DGKH: variants seen among roughly 807,000 people sequenced by gnomAD.
The protein encoded by DGKH is diacylglycerol kinase eta.
Under a neutral mutation model 159.3 loss-of-function variants are expected in DGKH, and 90 were observed. The ratio of observed to expected loss-of-function variants is 0.57; its 90% CI spans 0.48 to 0.67. The LOEUF (loss-of-function observed/expected upper bound fraction) is 0.67, where lower values mean the gene tolerates loss of function less well. Ranked by LOEUF, DGKH falls within the 30% of genes least tolerant of loss-of-function variation. The pLI, the probability that DGKH is intolerant of heterozygous loss-of-function variation, is 0.00. For missense variants in DGKH, 1,181 were observed against 1,506.1 expected (o/e 0.78, Z 3.57); for synonymous variants, 536 against 553.8 (o/e 0.97, Z 0.45).
intron 1 of DGKH, among the ~76,000 whole-genome samples, chr13:42,113,814 T>C (rs1003224302): frequency 6.6e-6 from 1 of 152,088 alleles, no homozygotes; most frequent in Non-Finnish European, 1.5e-5. Context: ...TAAAAATATT[T>C]AGAAGGGCAA....
At chr13:42,190,368 C>T in intron 15 of DGKH, 35 bp from the exon 16 acceptor site, 1 of 1,588,798 alleles carries the variant, frequency 6.3e-7, no homozygotes, top group Non-Finnish European at 8.5e-7. Context: ...TTTATTTTCA[C>T]TTATCCAAAC....
chr13:42,053,713 G>T (rs776646336), intron 1 of DGKH, among the ~76,000 whole-genome samples: 20 of 151,554 alleles, frequency 1.3e-4, no homozygotes, highest in Non-Finnish European at 2.7e-4. Context: ...CCGCCTCCTG[G>T]GTTCAAGCAA....
chr13:42,256,086 A>C, intron 30 of DGKH: 2 of 1,239,772 alleles, frequency 1.6e-6, no homozygotes, highest in Non-Finnish European at 2.4e-6. Flanking sequence ...CCTGAAAATG[A>C]ACCAGGAAGT....
chr13:42,195,540 C>T (rs1342378339), intron 17 of DGKH, among the ~76,000 whole-genome samples: 1 of 152,094 alleles, frequency 6.6e-6, no homozygotes, highest in Non-Finnish European at 1.5e-5. Flanking sequence ...TGGGCCCTGC[C>T]CTGGGAAATT....
chr13:42,056,949 C>T (rs900496815), intron 1 of DGKH, among the ~76,000 whole-genome samples: 12 of 151,970 alleles, frequency 7.9e-5, no homozygotes, highest in East Asian at 3.8e-4. Context: ...TTCATCATGC[C>T]GTTTTGCATT....
At chr13:42,225,308 A>G (rs1197433649) in intron 29 of DGKH, 1 of 1,584,968 alleles carries the variant, frequency 6.3e-7, no homozygotes. Flanking sequence ...AGGAGAAAAA[A>G]GAGACACCAA....
chr13:42,060,855 A>C (rs1882102553), intron 1 of DGKH, among the ~76,000 whole-genome samples: 1 of 152,186 alleles, frequency 6.6e-6, no homozygotes, highest in African/African-American at 2.4e-5. Flanking sequence ...TAGATAAGTA[A>C]CATGCCCCAG....
At chr13:42,094,665 A>G (rs1954487051) in intron 1 of DGKH, among the ~76,000 whole-genome samples, 1 of 152,218 alleles carries the variant, frequency 6.6e-6, no homozygotes, top group African/African-American at 2.4e-5. Flanking sequence ...TACAAGTTTT[A>G]TTTCAAAAGG....
chr13:42,063,907 C>G (rs1882366440), intron 1 of DGKH, among the ~76,000 whole-genome samples: 1 of 149,422 alleles, frequency 6.7e-6, no homozygotes, highest in South Asian at 2.1e-4. Flanking sequence ...CCATTGCACT[C>G]CAGCCTGGGC....
At chr13:42,069,458 C>T in intron 1 of DGKH, 1 of 1,548,628 alleles carries the variant, frequency 6.5e-7, no homozygotes, top group Non-Finnish European at 8.8e-7. Context: ...TTATCAACAA[C>T]ATCAGTAGAC....
chr13:42,187,143 A>G lies in DGKH; in HGVS notation c.1633A>G (p.Ser545Gly). ...ENAVVADAVA[S>G]KCSVLNEKLE... ...TGCCGTTGTAGCTGATGCCGTGGCC[A>G]GTAAAGTAAGAGGGGACTCTTCAGG... Residue 545 changes from serine (S) to glycine (G), a missense_variant, in exon 14 of 30, where the codon AGT (serine) becomes GGT (glycine). Physicochemically the swap from Ser to Gly is moderately conservative, Grantham distance 56. Coordinates refer to ENST00000337343, the MANE Select transcript of DGKH (RefSeq NM_178009.5). 1.2e-6 allele frequency: 2 copies of G among 1,613,874 alleles called. No individual in the cohort carries two copies. The highest frequency in any genetic ancestry group is 1.7e-6 in the Non-Finnish European group (2 of 1,179,790).
intron 1 of DGKH, among the ~76,000 whole-genome samples, chr13:42,113,115 G>T (rs1281278954): frequency 6.6e-6 from 1 of 152,044 alleles, no homozygotes; most frequent in Admixed American, 6.5e-5. Context: ...CCTACTCCTG[G>T]GTGGGGGCAG....
chr13:42,061,832 A>G (rs1312376068), intron 1 of DGKH, among the ~76,000 whole-genome samples: 6 of 152,228 alleles, frequency 3.9e-5, no homozygotes, highest in Non-Finnish European at 7.3e-5. Flanking sequence ...TGGTAAAAGA[A>G]CATAAAAGCC....
intron 1 of DGKH, among the ~76,000 whole-genome samples, chr13:42,106,947 G>T (rs373954791): frequency 1.2e-4 from 18 of 152,288 alleles, no homozygotes; most frequent in African/African-American, 3.9e-4. Context: ...GGAAGGTTGA[G>T]GCAGGAGAAT....
intron 1 of DGKH, among the ~76,000 whole-genome samples, chr13:42,060,404 C>A (rs929927160): frequency 6.6e-6 from 1 of 152,170 alleles, no homozygotes; most frequent in African/African-American, 2.4e-5. Flanking sequence ...GAGATCTGGG[C>A]CTCTAGTTCC....
chr13:42,219,080 A>G, intron 26 of DGKH, 150 bp from the exon 27 acceptor site: 2 of 1,013,254 alleles, frequency 2.0e-6, no homozygotes, highest in Non-Finnish European at 2.7e-6. Flanking sequence ...AATATAAAAG[A>G]ATTTATTCTT....
At chr13:42,125,353 G>A (rs1955149613) in intron 1 of DGKH, among the ~76,000 whole-genome samples, 1 of 152,144 alleles carries the variant, frequency 6.6e-6, no homozygotes, top group African/African-American at 2.4e-5. Flanking sequence ...GCCATCTATT[G>A]AATGTTTTCT....
chr13:42,069,928 A>G (rs1882844699), intron 1 of DGKH: 1 of 719,412 alleles, frequency 1.4e-6, no homozygotes, highest in Non-Finnish European at 2.5e-6. Context: ...TTCATCAGTG[A>G]CATCAGACAG....
chr13:42,135,600 T>A (rs1173425426), intron 3 of DGKH, among the ~76,000 whole-genome samples: 2 of 152,106 alleles, frequency 1.3e-5, no homozygotes, highest in Non-Finnish European at 2.9e-5. Context: ...AATAAAATGT[T>A]CTTTTTTGTT....
Sources: gnomAD v4.1 joint callset for allele counts (sites outside exome capture counted in the v4.1 genomes callset) on GRCh38, gnomAD v4.1.1 for gene constraint, MANE v1.5 for transcripts, NCBI Gene and HGNC (gene_info 2026-07-23, HGNC 2026-07-21) for gene names.